Variants in CMIP observed in about 807,000 individuals in gnomAD.
CMIP encodes C-Maf-inducing protein.
A neutral mutation model predicts 97.3 loss-of-function variants in CMIP; 13 were observed. The ratio of observed to expected loss-of-function variants is 0.13; its 90% CI spans 0.09 to 0.21. CMIP has a LOEUF of 0.21. Among genes scored for constraint, CMIP ranks in the 10% least tolerant of loss-of-function variants. The pLI, the probability that CMIP is intolerant of heterozygous loss-of-function variation, is 1.00. For synonymous variants in CMIP, 538 were observed against 436.3 expected (o/e 1.23, Z -2.91); for missense variants, 847 against 1,024.9 (o/e 0.83, Z 2.37).
rs555006324 is a variant in CMIP, at chr16:81,650,446, A to C, written c.478-1757A>C. 2.7e-4 allele frequency among the ~76,000 whole-genome samples: 41 copies of C among 152,170 alleles called. No individual in the cohort carries two copies. In the East Asian group the frequency reaches 7.5e-3, roughly 28 times the overall value. On this transcript the variant is annotated intron_variant, in intron 3 of 20. Coordinates refer to ENST00000537098, the MANE Select transcript of CMIP (RefSeq NM_198390.3). Reference sequence around the variant, plus strand: ...AGAAGGAGAAAGAAGGAGCAGAGAGAGGAGAAGGGAGAGATGACGGGAAAG... The same window carrying C: ...AGAAGGAGAAAGAAGGAGCAGAGAGCGGAGAAGGGAGAGATGACGGGAAAG...
intron 8 of CMIP, 136 bp from the exon 9 acceptor site, chr16:81,671,830 G>A: frequency 1.8e-6 from 1 of 565,056 alleles, no homozygotes; most frequent in Non-Finnish European, 3.2e-6. Flanking sequence ...CACAGTGAAG[G>A]CTCTCAGAGC....
intron 1 of CMIP, among the ~76,000 whole-genome samples, chr16:81,565,097 A>G (rs932096465): frequency 6.6e-6 from 1 of 152,116 alleles, no homozygotes; most frequent in Non-Finnish European, 1.5e-5. Flanking sequence ...AGCTGATGGC[A>G]GGCTCAGTTT....
At chr16:81,662,552 G>C (rs2092558643) in intron 6 of CMIP, among the ~76,000 whole-genome samples, 1 of 152,204 alleles carries the variant, frequency 6.6e-6, no homozygotes, top group Non-Finnish European at 1.5e-5. Flanking sequence ...AGAGAGGAGA[G>C]CTTGAGGGGA....
In CMIP at chr16:81,691,767, C is replaced by A. The variant is rs757994570; in HGVS notation, c.1389-8C>A. On this transcript the variant is annotated splice_polypyrimidine_tract_variant and splice_region_variant and intron_variant, in intron 10 of 20. Transcript: ENST00000537098. ...ACCAAAGCTGACTGTCACCCTCTCT[C>A]ATTCTAGGTCAGACTATGATGACTG... 1.2e-6 allele frequency: 2 copies of A among 1,613,220 alleles called. No homozygotes were observed. The highest frequency in any genetic ancestry group is 1.7e-5 in the Admixed American group (1 of 59,988).
chr16:81,521,153 C>G (rs1901974555), intron 1 of CMIP, among the ~76,000 whole-genome samples: 1 of 152,190 alleles, frequency 6.6e-6, no homozygotes, highest in Non-Finnish European at 1.5e-5. Context: ...TTCTGGAAGG[C>G]TTTTCTTTGT....
At chr16:81,631,232 G>A (rs2092154315) in intron 3 of CMIP, 1 of 152,376 alleles carries the variant, frequency 6.6e-6, no homozygotes, top group South Asian at 2.1e-4. Context: ...AATTTGGTTA[G>A]GCCTGTCTTG....
intron 9 of CMIP, among the ~76,000 whole-genome samples, chr16:81,676,948 C>G (rs1201371242): frequency 6.6e-6 from 1 of 152,192 alleles, no homozygotes; most frequent in Non-Finnish European, 1.5e-5. Context: ...CAGCTGTTTT[C>G]AATCGTGCCG....
intron 3 of CMIP, among the ~76,000 whole-genome samples, chr16:81,635,109 T>C (rs2092217803): frequency 6.6e-6 from 1 of 152,194 alleles, no homozygotes; most frequent in Admixed American, 6.5e-5. Context: ...CATTTTTTTA[T>C]TTATTTGGTG....
At chr16:81,635,155 C>G (rs1188966411) in intron 3 of CMIP, among the ~76,000 whole-genome samples, 1 of 152,074 alleles carries the variant, frequency 6.6e-6, no homozygotes, top group East Asian at 1.9e-4. Flanking sequence ...CTGAAATGCC[C>G]TGAAAATGCC....
At chr16:81,702,323 G>A (rs145774769) in intron 16 of CMIP, among the ~76,000 whole-genome samples, 10 of 152,068 alleles carry the variant, frequency 6.6e-5, no homozygotes, top group Non-Finnish European at 1.0e-4. Context: ...AGAGTCCCCC[G>A]GTGGGATTTG....
chr16:81,583,753 A>C (rs2091335654), intron 1 of CMIP, among the ~76,000 whole-genome samples: 1 of 152,180 alleles, frequency 6.6e-6, no homozygotes, highest in African/African-American at 2.4e-5. Flanking sequence ...GGGAAAGACG[A>C]GAGCATCTGA....
chr16:81,683,910 A>G (rs1905131616), intron 10 of CMIP, among the ~76,000 whole-genome samples: 1 of 146,552 alleles, frequency 6.8e-6, no homozygotes. Flanking sequence ...ACAGGCATCT[A>G]CCGCCTAGCC....
chr16:81,600,554 T>C (rs1024971753), intron 1 of CMIP, among the ~76,000 whole-genome samples: 129 of 152,268 alleles, frequency 8.5e-4, no homozygotes, highest in African/African-American at 3.0e-3. Flanking sequence ...CATTGATAGA[T>C]ACCAGGCTAG....
chr16:81,550,453 G>C (rs982103771), intron 1 of CMIP, among the ~76,000 whole-genome samples: 2 of 152,200 alleles, frequency 1.3e-5, no homozygotes, highest in African/African-American at 4.8e-5. Flanking sequence ...GGCTTTAGTT[G>C]CTTCTTTCTG....
In CMIP at chr16:81,652,355, GCT is replaced by G; in HGVS notation, c.634_635del (p.Ser212ArgfsTer11). ...CCCCACTGGAAATCGTCTCGAAACTGCTCTCAGAGGTAAAACCCCTCCCCTGG... is the reference window on the plus strand; with the variant it reads ...CCCCACTGGAAATCGTCTCGAAACTGCTCAGAGGTAAAACCCCTCCCCTGG... ...QAPLEIVSKL[L>X]SENTNLTTQE... On this transcript the variant is annotated frameshift_variant, in exon 4 of 21. Coordinates refer to ENST00000537098, the MANE Select transcript of CMIP (RefSeq NM_198390.3). LOFTEE classifies it high-confidence loss of function. This position sits in a 1 kb window ranked among gnomAD's most constrained non-coding sequence, Gnocchi z 5.2. 6.2e-7 allele frequency: 1 copy of G among 1,612,950 alleles called. No homozygotes were observed. The highest frequency in any genetic ancestry group is 1.3e-5 in the African/African-American group (1 of 74,952).
chr16:81,528,647 G>A (rs1006775079), intron 1 of CMIP, among the ~76,000 whole-genome samples: 1 of 152,188 alleles, frequency 6.6e-6, no homozygotes, highest in Admixed American at 6.5e-5. Flanking sequence ...ACAGCTACCT[G>A]CTTGCTGGGG....
At chr16:81,678,653 C>T (rs1183273760) in intron 10 of CMIP, 25 bp downstream of exon 10, 4 of 1,158,924 alleles carry the variant, frequency 3.5e-6, no homozygotes, top group South Asian at 1.3e-5. Context: ...CGCGTGCCCG[C>T]CCCCGGGGCC....
At chr16:81,611,033 T>G (rs1337423936) in intron 2 of CMIP, among the ~76,000 whole-genome samples, 1 of 152,018 alleles carries the variant, frequency 6.6e-6, no homozygotes, top group Admixed American at 6.5e-5. Flanking sequence ...AGCAGATGAG[T>G]GAAAGTGCCT....
At chr16:81,606,785 C>A (rs2091750772) in intron 1 of CMIP, among the ~76,000 whole-genome samples, 1 of 152,052 alleles carries the variant, frequency 6.6e-6, no homozygotes, top group African/African-American at 2.4e-5. Context: ...AAAAGGAGGG[C>A]ACAGGGAAGG....
Sources: gnomAD v4.1 joint callset for allele counts (sites outside exome capture counted in the v4.1 genomes callset) on GRCh38, gnomAD v4.1.1 for gene constraint, Gnocchi (gnomAD v3.1) non-coding constraint, MANE v1.5 for transcripts, NCBI Gene and HGNC (gene_info 2026-07-23, HGNC 2026-07-21) for gene names.